The following DCT variants were observed in gnomAD, a reference collection of about 807,000 sequenced individuals.
DCT encodes the protein L-dopachrome tautomerase.
DCT carries 47 observed loss-of-function variants against 53.0 expected under a neutral mutation model. That is an observed-to-expected ratio of 0.89 (90% CI 0.70 to 1.13). DCT has a LOEUF of 1.13. Ranked by LOEUF, DCT falls within the 50% of genes most tolerant of loss-of-function variation. DCT has a pLI of 0.00. For missense variants in DCT, 669 were observed against 637.4 expected, an observed-to-expected ratio of 1.05 and a Z score of -0.53; for synonymous variants, 244 against 237.0, an observed-to-expected ratio of 1.03 and a Z score of -0.27.
intron 6 of DCT, among the ~76,000 whole-genome samples, chr13:94,457,944 G>A (rs1013967718): frequency 6.6e-6 from 1 of 152,232 alleles, no homozygotes; most frequent in East Asian, 1.9e-4. Flanking sequence ...CCCCCTATCA[G>A]ACATAAACGA....
At chr13:94,490,528 A>C in the DCT span, among the ~76,000 whole-genome samples, 1 of 149,202 alleles carries the variant, frequency 6.7e-6, no homozygotes, top group Non-Finnish European at 1.5e-5. Context: ...AAAAAAAAAA[A>C]AAACAACTAA....
the DCT span, among the ~76,000 whole-genome samples, chr13:94,532,217 A>G: frequency 6.6e-6 from 1 of 152,032 alleles, no homozygotes; most frequent in Non-Finnish European, 1.5e-5. Context: ...CCATTGTGGA[A>G]GACAGTGTGG....
chr13:94,479,009 G>C lies in DCT; in HGVS notation c.247C>G (p.Arg83Gly), dbSNP rs763411727. Residue 83 changes from arginine (R) to glycine (G), a missense_variant, in exon 1 of 8, where the codon CGT (arginine) becomes GGT (glycine). Physicochemically the swap from Arg to Gly is moderately radical, Grantham distance 125. Coordinates refer to ENST00000377028, the MANE Select transcript of DCT (RefSeq NM_001922.5). ...GPYILRNQDD[R>G]ELWPRKFFHR... ...AAGAATTTTCTTGGCCACAGCTCACGGTCATCCTGGTTTCGTAGGATGTAG... is the reference window on the plus strand; with the variant it reads ...AAGAATTTTCTTGGCCACAGCTCACCGTCATCCTGGTTTCGTAGGATGTAG... 21 of 1,613,642 alleles carry C rather than the reference G, an allele frequency of 1.3e-5. No homozygotes were observed. The highest frequency in any genetic ancestry group is 1.7e-5 in the Admixed American group (1 of 59,994).
chr13:94,513,028 T>G, the DCT span, among the ~76,000 whole-genome samples: 2 of 152,176 alleles, frequency 1.3e-5, no homozygotes, highest in Non-Finnish European at 2.9e-5. Flanking sequence ...CATGAACTTT[T>G]TCAGAGAACG....
At chr13:94,509,856 T>C in the DCT span, among the ~76,000 whole-genome samples, 1 of 152,178 alleles carries the variant, frequency 6.6e-6, no homozygotes, top group Non-Finnish European at 1.5e-5. Context: ...TACCATAAGC[T>C]CCACTGGGTC....
the DCT span, among the ~76,000 whole-genome samples, chr13:94,510,518 C>T: frequency 6.6e-6 from 1 of 152,192 alleles, no homozygotes; most frequent in Non-Finnish European, 1.5e-5. Flanking sequence ...AATTTTCATA[C>T]TGAGCACATG....
intron 1 of DCT, among the ~76,000 whole-genome samples, chr13:94,469,948 G>A (rs572302324): frequency 1.3e-5 from 2 of 152,108 alleles, no homozygotes; most frequent in Admixed American, 6.5e-5. Flanking sequence ...GGTGGTACAT[G>A]CCTGTAGTCC....
the DCT span, among the ~76,000 whole-genome samples, chr13:94,530,050 G>T: frequency 1.3e-5 from 2 of 152,044 alleles, no homozygotes; most frequent in African/African-American, 2.4e-5. Context: ...ATAAATTCCT[G>T]GACACATACA....
chr13:94,438,616 C>A lies in DCT; in HGVS notation c.*1282G>T. 1 of 455,950 alleles carries A rather than the reference C, an allele frequency of 2.2e-6. No homozygotes were observed. Among genetic ancestry groups the A allele is most frequent in the Non-Finnish European group, 4.4e-6 (1 of 226,754 alleles). 28.2% of individuals were successfully genotyped at this position (455,950 alleles called of 1,614,324 possible). ...AGTCTCACTCCTGATGCACAGAAAC[C>A]AGATATGAGCAGATGAAATTTGCCT... On this transcript the variant is annotated 3_prime_UTR_variant, in exon 8 of 8. Coordinates refer to ENST00000377028, the MANE Select transcript of DCT (RefSeq NM_001922.5).
upstream of DCT, among the ~76,000 whole-genome samples, chr13:94,480,433 G>T (rs1442065143): frequency 6.6e-6 from 1 of 152,196 alleles, no homozygotes; most frequent in Non-Finnish European, 1.5e-5. Context: ...GTGGAAACAG[G>T]ACTGTCTTGG....
intron 5 of DCT, 22 bp from the exon 6 acceptor site, chr13:94,460,248 G>T (rs375931024): frequency 2.5e-6 from 4 of 1,609,642 alleles, no homozygotes; most frequent in Non-Finnish European, 3.4e-6. Context: ...AAGTATATCA[G>T]TGACAACAGA....
intron 4 of DCT, among the ~76,000 whole-genome samples, chr13:94,463,651 G>C (rs141606540): frequency 2.6e-5 from 4 of 152,140 alleles, no homozygotes; most frequent in Admixed American, 6.6e-5. Flanking sequence ...GGCTGGTCTC[G>C]AAGTCCTGGC....
intron 1 of DCT, among the ~76,000 whole-genome samples, chr13:94,474,258 GA>G (rs3837536): frequency 0.44 from 66,187 of 151,816 alleles, 15,572 homozygotes; most frequent in African/African-American, 0.6. Context: ...GATAAAAATG[GA>G]AAAAAGAGTG....
chr13:94,492,176 C>T, the DCT span, among the ~76,000 whole-genome samples: 10 of 152,178 alleles, frequency 6.6e-5, no homozygotes, highest in Non-Finnish European at 1.3e-4. Flanking sequence ...CAGTTAAAGG[C>T]AGATACATAG....
the DCT span, among the ~76,000 whole-genome samples, chr13:94,540,561 C>A: frequency 6.6e-6 from 1 of 152,184 alleles, no homozygotes; most frequent in Non-Finnish European, 1.5e-5. Flanking sequence ...AAAAAATGCT[C>A]AACATCACTA....
chr13:94,514,010 A>AATAC, the DCT span, among the ~76,000 whole-genome samples: 1 of 151,232 alleles, frequency 6.6e-6, no homozygotes, highest in African/African-American at 2.4e-5. Context: ...AAAAAAAAAA[A>AATAC]AGATAGATAC....
chr13:94,478,329 TAGCC>T (rs1237004891), intron 1 of DCT, among the ~76,000 whole-genome samples: 1 of 151,926 alleles, frequency 6.6e-6, no homozygotes, highest in African/African-American at 2.4e-5. Flanking sequence ...ATACAAAAAT[TAGCC>T]AGGCATGATG....
intron 6 of DCT, among the ~76,000 whole-genome samples, chr13:94,444,879 C>T (rs1759852756): frequency 6.6e-6 from 1 of 152,166 alleles, no homozygotes; most frequent in African/African-American, 2.4e-5. Context: ...ATCCTAACTC[C>T]TTAAGGTCTA....
Position 94,468,760 on chromosome 13 carries a change from C to G in DCT, c.581G>C (p.Arg194Thr), listed in dbSNP as rs774236461. 1.2e-6 allele frequency: 2 copies of G among 1,613,948 alleles called. No homozygotes were observed. Among genetic ancestry groups the G allele is most frequent in the Middle Eastern group, 1.6e-4 (1 of 6,062 alleles). The part of the protein sequence containing the change: ...FFVWLHYYSV[R>T]DTLLGPGRPY... ...AAAAAACCCACCTAATAATGTATCT[C>G]TAACAGAATAATAATGGAGCCACAC... Residue 194 changes from arginine (R) to threonine (T), a missense_variant, in exon 2 of 8, where the codon AGA (arginine) becomes ACA (threonine). Coordinates refer to ENST00000377028, the MANE Select transcript of DCT (RefSeq NM_001922.5).
Sources: gnomAD v4.1 joint callset for allele counts (sites outside exome capture counted in the v4.1 genomes callset) on GRCh38, gnomAD v4.1.1 for gene constraint, MANE v1.5 for transcripts, NCBI Gene and HGNC (gene_info 2026-07-23, HGNC 2026-07-21) for gene names.